The following CCSER1 variants were observed in gnomAD, a reference collection of about 807,000 sequenced individuals.
CCSER1 encodes serine-rich coiled-coil domain-containing protein 1.
A neutral mutation model predicts 82.0 loss-of-function variants in CCSER1; 41 were observed. The observed-to-expected ratio is 0.50, with a 90% confidence interval of 0.39 to 0.65. The LOEUF (loss-of-function observed/expected upper bound fraction) is 0.65. Among genes scored for constraint, CCSER1 ranks in the 30% least tolerant of loss-of-function variants. CCSER1 has a pLI of 0.00. For missense variants in CCSER1, 1,119 were observed against 1,064.2 expected (o/e 1.05, Z -0.72); for synonymous variants, 414 against 383.9 (o/e 1.08, Z -0.92).
rs577409786 is a variant in CCSER1 at position 91,177,068 on chromosome 4, T to G, written c.2217+91074T>G. ...TGTCGAAGGCCTTTTCTGCATCTATTGAGATAATCATGTGGTTTTTGTCTT... is the reference window on the plus strand; with the variant it reads ...TGTCGAAGGCCTTTTCTGCATCTATGGAGATAATCATGTGGTTTTTGTCTT... On this transcript the variant is annotated intron_variant, in intron 10 of 10. Coordinates refer to ENST00000509176, the MANE Select transcript of CCSER1 (RefSeq NM_001145065.2). Among the ~76,000 whole-genome samples, 3 of 152,304 alleles carry G rather than the reference T, an allele frequency of 2.0e-5. No individual in the cohort carries two copies. In the South Asian group the frequency reaches 6.2e-4, roughly 32 times the overall value.
At chr4:91,439,482 C>T (rs1754948602) in intron 10 of CCSER1, among the ~76,000 whole-genome samples, 1 of 151,990 alleles carries the variant, frequency 6.6e-6, no homozygotes, top group African/African-American at 2.4e-5. Flanking sequence ...CTGAAGGAAG[C>T]ACTAAACATG....
intron 8 of CCSER1, among the ~76,000 whole-genome samples, chr4:90,868,423 G>C (rs780624154): frequency 2.0e-5 from 3 of 151,820 alleles, no homozygotes; most frequent in Non-Finnish European, 4.4e-5. Flanking sequence ...TTAATTTGTA[G>C]CTCTCACAAA....
intron 4 of CCSER1, among the ~76,000 whole-genome samples, chr4:90,401,465 C>T (rs1752865670): frequency 6.6e-6 from 1 of 152,178 alleles, no homozygotes; most frequent in African/African-American, 2.4e-5. Context: ...GTTTACCGAA[C>T]AGTCATTAAA....
At chr4:91,177,024 A>G (rs1351992671) in intron 10 of CCSER1, among the ~76,000 whole-genome samples, 5 of 152,310 alleles carry the variant, frequency 3.3e-5, no homozygotes, top group Admixed American at 1.3e-4. Context: ...AGTTTTTAGC[A>G]TGAAGGGCTG....
intron 10 of CCSER1, among the ~76,000 whole-genome samples, chr4:91,407,496 C>T (rs1055680757): frequency 8.5e-5 from 13 of 152,224 alleles, no homozygotes; most frequent in African/African-American, 2.6e-4. Context: ...AGAGAATGAA[C>T]GGCCTTTTTA....
chr4:90,610,138 A>G (rs1423619153), intron 5 of CCSER1, among the ~76,000 whole-genome samples: 1 of 151,970 alleles, frequency 6.6e-6, no homozygotes, highest in Non-Finnish European at 1.5e-5. Flanking sequence ...CTGTAGTCCC[A>G]GCTACTCGGG....
intron 10 of CCSER1, among the ~76,000 whole-genome samples, chr4:91,562,723 A>G (rs1560765604): frequency 6.6e-6 from 1 of 151,600 alleles, no homozygotes; most frequent in African/African-American, 2.4e-5. Context: ...ACTTATAGTG[A>G]TAGCTAATAA....
In CCSER1 at chr4:90,745,834, C is replaced by T. The variant is rs192527204; in HGVS notation, c.2010+21843C>T. 4.9e-4 allele frequency among the ~76,000 whole-genome samples: 74 copies of T among 151,558 alleles called. 1 individual carries two copies. In the East Asian group the frequency reaches 0.011, roughly 23 times the overall value. On this transcript the variant is annotated intron_variant, in intron 7 of 10. Transcript: ENST00000509176. ...GCTCCCGAGTAGCTGGGACTACAGG[C>T]GCCCGCCACCACACCCAGCTAAATT...
At chr4:90,160,147 A>C in intron 1 of CCSER1, among the ~76,000 whole-genome samples, 1 of 152,214 alleles carries the variant, frequency 6.6e-6, no homozygotes, top group East Asian at 1.9e-4. Context: ...GCACTCAACC[A>C]GTGCACATTG....
intron 1 of CCSER1, among the ~76,000 whole-genome samples, chr4:90,252,079 TTGAGTA>T (rs1722502218): frequency 6.6e-6 from 1 of 151,916 alleles, no homozygotes; most frequent in Non-Finnish European, 1.5e-5. Flanking sequence ...TAAATACAGG[TTGAGTA>T]TCCCGTATCT....
intron 10 of CCSER1, among the ~76,000 whole-genome samples, chr4:91,411,524 AT>A (rs1753047732): frequency 7.5e-6 from 1 of 133,664 alleles, no homozygotes; most frequent in Non-Finnish European, 1.6e-5. Context: ...ATATATATAT[AT>A]AAAATCTTGA....
intron 10 of CCSER1, among the ~76,000 whole-genome samples, chr4:91,306,170 C>A (rs1745062017): frequency 1.3e-5 from 2 of 148,168 alleles, no homozygotes; most frequent in Non-Finnish European, 3.0e-5. Context: ...ATTACTTTTT[C>A]TTTTCTTTGT....
At chr4:91,023,957 A>AT (rs1740253024) in intron 9 of CCSER1, among the ~76,000 whole-genome samples, 1 of 152,184 alleles carries the variant, frequency 6.6e-6, no homozygotes, top group South Asian at 2.1e-4. Flanking sequence ...AAATTCATTT[A>AT]TTATATTTCT....
At chr4:90,279,857 T>A (rs1437197195) in intron 1 of CCSER1, among the ~76,000 whole-genome samples, 1 of 152,040 alleles carries the variant, frequency 6.6e-6, no homozygotes, top group Non-Finnish European at 1.5e-5. Context: ...GAAAATTGTA[T>A]ATTTTGAAAC....
chr4:90,870,614 C>T (rs969472341), intron 8 of CCSER1, among the ~76,000 whole-genome samples: 1 of 151,678 alleles, frequency 6.6e-6, no homozygotes, highest in Non-Finnish European at 1.5e-5. Flanking sequence ...TTTTTTACAT[C>T]AATGTTTTTC....
At chr4:90,383,124 A>G (rs1749473910) in intron 3 of CCSER1, among the ~76,000 whole-genome samples, 1 of 152,186 alleles carries the variant, frequency 6.6e-6, no homozygotes, top group African/African-American at 2.4e-5. Flanking sequence ...CCAATGAGAG[A>G]ATCTTTATAA....
At chr4:90,769,872 G>A (rs1044395613) in intron 7 of CCSER1, among the ~76,000 whole-genome samples, 8 of 152,118 alleles carry the variant, frequency 5.3e-5, no homozygotes, top group African/African-American at 7.2e-5. Flanking sequence ...AGGCCAATAC[G>A]CAGAGTATAG....
chr4:91,119,331 T>G (rs2148888312), intron 10 of CCSER1, among the ~76,000 whole-genome samples: 1 of 152,214 alleles, frequency 6.6e-6, no homozygotes, highest in East Asian at 1.9e-4. Flanking sequence ...ACTGCCATTG[T>G]AATGTGTTTT....
At chr4:90,420,260 T>G (rs1393677160) in intron 4 of CCSER1, among the ~76,000 whole-genome samples, 1 of 152,042 alleles carries the variant, frequency 6.6e-6, no homozygotes, top group Non-Finnish European at 1.5e-5. Context: ...AACTTATTAA[T>G]TAAAATAGTA....
Sources: allele counts gnomAD v4.1 joint callset (sites outside exome capture counted in the v4.1 genomes callset), GRCh38; gene constraint gnomAD v4.1.1; transcripts MANE v1.5; gene names NCBI Gene and HGNC (gene_info 2026-07-23, HGNC 2026-07-21).